Variants in SLC4A7 observed in about 807,000 individuals in gnomAD.
SLC4A7 encodes the protein solute carrier family 4 member 7.
A neutral mutation model predicts 137.6 loss-of-function variants in SLC4A7; 51 were observed. The observed-to-expected ratio is 0.37, with a 90% CI of 0.30 to 0.47. The LOEUF (loss-of-function observed/expected upper bound fraction) is 0.47, where lower values mean the gene tolerates loss of function less well. Ranked by LOEUF, SLC4A7 falls within the 20% of genes least tolerant of loss-of-function variation. The pLI is 1.00. For synonymous variants in SLC4A7, 542 were observed against 518.6 expected, an observed-to-expected ratio of 1.05 and a Z score of -0.61; for missense variants, 1,247 against 1,525.4, an observed-to-expected ratio of 0.82 and a Z score of 3.04.
chr3:27,420,240 T>C (rs991590472), intron 10 of SLC4A7, among the ~76,000 whole-genome samples: 3 of 152,008 alleles, frequency 2.0e-5, no homozygotes, highest in African/African-American at 7.2e-5. Flanking sequence ...TCAAATACCC[T>C]TGGGACACAC....
At position 27,400,829 on chromosome 3, in the gene SLC4A7, G is replaced by C. The variant is rs1411144285; in HGVS notation, c.2362C>G (p.Leu788Val). The C allele has an allele frequency of 1.2e-6, 2 of 1,608,506 alleles. No individual in the cohort carries two copies. Among genetic ancestry groups the C allele is most frequent in the Non-Finnish European group, 8.5e-7 (1 of 1,175,212 alleles). Residue 788 changes from leucine (L) to valine (V), a missense_variant, in exon 16 of 26, where the codon CTA becomes GTA. Transcript: ENST00000454389. ...ATATTATCTTTCTTCCATTGTGCTAGAGTTTCATTGCTGGGGTTTGGAGGT... is the reference window on the plus strand; with the variant it reads ...ATATTATCTTTCTTCCATTGTGCTACAGTTTCATTGCTGGGGTTTGGAGGT... ...TEPPNPSNET[L>V]AQWKKDNITA...
intron 5 of SLC4A7, among the ~76,000 whole-genome samples, chr3:27,435,157 A>G (rs2056633635): frequency 6.6e-6 from 1 of 152,226 alleles, no homozygotes; most frequent in Non-Finnish European, 1.5e-5. Context: ...GTTCTCTTGA[A>G]GATTAAATAC....
At chr3:27,481,521 A>T (rs192846811) in intron 1 of SLC4A7, among the ~76,000 whole-genome samples, 3 of 152,338 alleles carry the variant, frequency 2.0e-5, no homozygotes, top group Admixed American at 6.5e-5. Context: ...GAATATCATG[A>T]TCTCTCACTT....
Position 27,448,751 on chromosome 3 carries a change from C to G in SLC4A7, c.189G>C (p.Glu63Asp), listed in dbSNP as rs1420765641. 1 of 1,613,308 alleles carries G rather than the reference C, an allele frequency of 6.2e-7. No individual in the cohort carries two copies. Among genetic ancestry groups the G allele is most frequent in the Admixed American group, 1.7e-5 (1 of 59,940 alleles). Residue 63 changes from glutamate (E) to aspartate (D), a missense_variant, in exon 3 of 26, where the codon GAG (glutamate) becomes GAC (aspartate). Around this residue, in one of 6 missense-constraint regions of SLC4A7, gnomAD observed 176 missense variants for 186.4 expected, o/e 0.94. Coordinates refer to ENST00000454389, the MANE Select transcript of SLC4A7 (RefSeq NM_001321103.2). ...CGCGATGCCTATGACGCCGACGACTCTCTTTACTAAACGGGACGTGAACAC... is the reference window on the plus strand; with the variant it reads ...CGCGATGCCTATGACGCCGACGACTGTCTTTACTAAACGGGACGTGAACAC... ...YIGVHVPFSK[E>D]SRRRHRHRGH...
chr3:27,411,370 A>G (rs770913876), intron 12 of SLC4A7, among the ~76,000 whole-genome samples: 1 of 152,070 alleles, frequency 6.6e-6, no homozygotes, highest in Non-Finnish European at 1.5e-5. Flanking sequence ...TGTATAAGCA[A>G]TGGAAATTAA....
chr3:27,480,345 TGCCTCG>T (rs1291523936), intron 1 of SLC4A7, among the ~76,000 whole-genome samples: 1 of 152,148 alleles, frequency 6.6e-6, no homozygotes, highest in Non-Finnish European at 1.5e-5. Flanking sequence ...GTGATCCTCC[TGCCTCG>T]GCCTCCCAAG....
Position 27,452,481 on chromosome 3 carries a change from A to C in SLC4A7, c.78T>G (p.Ala26=), listed in dbSNP as rs757236651. ...AGCTAGTTTTGCCAAGATCCACAAC[A>C]GCTTCTTCATCAGGACCCTAAAAAC... The part of the protein sequence containing the change: ...RVTSRGPDEE[A]VVDLGKTSST... The change falls in exon 2 of 26, where the codon GCT becomes GCG. Residue 26 remains alanine, a synonymous_variant. Transcript: ENST00000454389. The C allele has an allele frequency of 6.2e-7, 1 of 1,605,864 alleles. No individual in the cohort carries two copies. The highest frequency in any genetic ancestry group is 8.5e-7 in the Non-Finnish European group (1 of 1,178,168).
intron 25 of SLC4A7, among the ~76,000 whole-genome samples, chr3:27,377,244 A>T (rs2049983729): frequency 6.6e-6 from 1 of 151,454 alleles, no homozygotes; most frequent in Non-Finnish European, 1.5e-5. Context: ...AATAATTTCC[A>T]AGAAGGTTAT....
At position 27,448,812 on chromosome 3, in the gene SLC4A7, A is replaced by G; in HGVS notation, c.143-15T>C. The G allele has an allele frequency of 6.4e-7, 1 of 1,560,478 alleles. No individual in the cohort carries two copies. ...AGCTCTATGACCTATTAAAAGGTTCAGAAACATATTACTAGCTTTCCAAAA... is the reference window on the plus strand; with the variant it reads ...AGCTCTATGACCTATTAAAAGGTTCGGAAACATATTACTAGCTTTCCAAAA... On this transcript the variant is annotated splice_polypyrimidine_tract_variant and intron_variant, in intron 2 of 25. Coordinates refer to ENST00000454389, the MANE Select transcript of SLC4A7 (RefSeq NM_001321103.2).
intron 1 of SLC4A7, among the ~76,000 whole-genome samples, chr3:27,460,468 T>A (rs774222380): frequency 6.6e-6 from 1 of 152,222 alleles, no homozygotes; most frequent in Non-Finnish European, 1.5e-5. Context: ...GTACTAGAAT[T>A]AAATACTGTA....
Position 27,484,353 on chromosome 3 carries a change from G to A in SLC4A7, c.-227C>T. The A allele has an allele frequency of 3.0e-6, 1 of 338,466 alleles. No individual in the cohort carries two copies. The highest frequency in any genetic ancestry group is 5.3e-6 in the Non-Finnish European group (1 of 188,260). 21.0% of individuals were successfully genotyped at this position (338,466 alleles called of 1,614,324 possible). ...GCTGGGCTGGCTTTAGTAGGAGAGC[G>A]AGGCCGCGGCGTGGAACCTGAAGCT... On this transcript the variant is annotated 5_prime_UTR_variant, in exon 1 of 26. Transcript: ENST00000454389.
chr3:27,435,022 A>G (rs1248750684), intron 5 of SLC4A7, among the ~76,000 whole-genome samples: 2 of 152,128 alleles, frequency 1.3e-5, no homozygotes, highest in Non-Finnish European at 2.9e-5. Flanking sequence ...CCCAACCTTA[A>G]TTTTTCAGTT....
rs2059418605 is a variant in SLC4A7, at chr3:27,475,285, T to G, written c.60+8782A>C. Among the ~76,000 whole-genome samples, 3 of 151,334 alleles carry G rather than the reference T, an allele frequency of 2.0e-5. No individual in the cohort carries two copies. The Admixed American group carries it at 2.0e-4, about 10-fold the overall frequency. On this transcript the variant is annotated intron_variant, in intron 1 of 25. Coordinates refer to ENST00000454389, the MANE Select transcript of SLC4A7 (RefSeq NM_001321103.2). ...ACAGGCTGATTATTAATAGCAAGTT[T>G]CCAAGAGGCACATTTAGCATTTTAT...
At chr3:27,400,415 T>C (rs1301868026) in intron 16 of SLC4A7, among the ~76,000 whole-genome samples, 1 of 152,178 alleles carries the variant, frequency 6.6e-6, no homozygotes, top group Non-Finnish European at 1.5e-5. Flanking sequence ...TATAAAATAT[T>C]GTAAAGGACA....
intron 6 of SLC4A7, among the ~76,000 whole-genome samples, chr3:27,432,025 CAATT>C (rs1296037252): frequency 1.1e-4 from 16 of 152,136 alleles, no homozygotes; most frequent in Admixed American, 6.5e-5. Flanking sequence ...ATGTAATACA[CAATT>C]AATATAACTC....
chr3:27,424,160 T>A lies in SLC4A7; in HGVS notation c.1151-8A>T, dbSNP rs2055298539. The A allele has an allele frequency of 7.0e-7, 1 of 1,433,598 alleles. No homozygotes were observed. Among genetic ancestry groups the A allele is most frequent in the Non-Finnish European group, 9.7e-7 (1 of 1,031,846 alleles). The allele number at this position is 1,433,598 out of a possible 1,614,324, so 88.8% of individuals were successfully genotyped here. ...GGGGAGAGGCCAAAATACCTATGTT[T>A]AAAGACAAATTCCAAATTAGTAAGG... On this transcript the variant is annotated splice_polypyrimidine_tract_variant and splice_region_variant and intron_variant, in intron 7 of 25. Coordinates refer to ENST00000454389, the MANE Select transcript of SLC4A7 (RefSeq NM_001321103.2).
intron 20 of SLC4A7, among the ~76,000 whole-genome samples, chr3:27,393,241 AT>A (rs1468640312): frequency 6.6e-6 from 1 of 152,014 alleles, no homozygotes; most frequent in Non-Finnish European, 1.5e-5. Context: ...GTTAAAAAAA[AT>A]TTTTTTGGTT....
intron 14 of SLC4A7, among the ~76,000 whole-genome samples, chr3:27,404,009 C>A (rs1221694913): frequency 6.6e-6 from 1 of 152,166 alleles, no homozygotes; most frequent in Non-Finnish European, 1.5e-5. Context: ...GAGCTGGATC[C>A]ATCAAATATG....
chr3:27,397,733 T>C lies in SLC4A7; in HGVS notation c.2654A>G (p.Tyr885Cys). The C allele has an allele frequency of 1.2e-6, 2 of 1,609,840 alleles. No homozygotes were observed. Among genetic ancestry groups the C allele is most frequent in the Admixed American group, 1.7e-5 (1 of 59,598 alleles). Residue 885 changes from tyrosine to cysteine, a missense_variant, in exon 18 of 26, where the codon TAC (tyrosine) becomes TGC (cysteine). By Grantham distance (194) the Tyr-to-Cys change is radical. Around this residue, in one of 6 missense-constraint regions of SLC4A7, gnomAD observed 499 missense variants for 664.2 expected, o/e 0.75. Transcript: ENST00000454389. ...TTTAGGAGATGGAACTCCTACAAGG[T>C]AGTCAATTGTAACCATTATTACTAT... ...LTIVIMVTID[Y>C]LVGVPSPKLH...
Sources: gnomAD v4.1 joint callset for allele counts (sites outside exome capture counted in the v4.1 genomes callset) on GRCh38, gnomAD v4.1.1 for gene constraint, gnomAD v4.1.1 regional missense constraint, MANE v1.5 for transcripts, NCBI Gene and HGNC (gene_info 2026-07-23, HGNC 2026-07-21) for gene names.